The following DPEP1 variants were observed in gnomAD, a reference collection of about 807,000 sequenced individuals.
DPEP1 encodes the protein dipeptidase 1.
DPEP1 carries 50 observed loss-of-function variants against 42.3 expected under a neutral mutation model. The ratio of observed to expected loss-of-function variants is 1.18; its 90% CI spans 0.94 to 1.50. The LOEUF is 1.50. Among genes scored for constraint, DPEP1 ranks in the 40% most tolerant of loss-of-function variants. The pLI, the probability that DPEP1 is intolerant of heterozygous loss-of-function variation, is 0.00. For synonymous variants in DPEP1, 297 were observed against 234.0 expected, an observed-to-expected ratio of 1.27 and a Z score of -2.46; for missense variants, 663 against 553.0, an observed-to-expected ratio of 1.20 and a Z score of -1.99.
rs951505263 is a variant in DPEP1, at chr16:89,630,259, C to T, written c.-106-46C>T. ...GGGAAGCTATAAACAGGAGAGCAGC[C>T]ACCTGTCATCACTTCCACCCACACC... is the stretch of plus-strand genomic sequence containing the variant. On this transcript the variant is annotated intron_variant, in intron 1 of 10. Transcript: ENST00000690203. The T allele has an allele frequency of 1.5e-5, 8 of 543,086 alleles. No individual in the cohort carries two copies. In the African/African-American group the frequency reaches 1.6e-4, roughly 11 times the overall value. 33.6% of individuals were successfully genotyped at this position (543,086 alleles called of 1,614,324 possible).
At chr16:89,615,285 C>T (rs2059370360) in intron 1 of DPEP1, among the ~76,000 whole-genome samples, 1 of 152,198 alleles carries the variant, frequency 6.6e-6, no homozygotes, top group Admixed American at 6.5e-5. Flanking sequence ...AGAGCCGCCC[C>T]TGAGGGGTGG....
At chr16:89,634,320 C>A (rs1360202239) in intron 2 of DPEP1, among the ~76,000 whole-genome samples, 1 of 152,084 alleles carries the variant, frequency 6.6e-6, no homozygotes, top group Non-Finnish European at 1.5e-5. Flanking sequence ...ATCTCCTGAC[C>A]TTGTGATCTG....
chr16:89,633,592 C>A (rs181994154), intron 2 of DPEP1, among the ~76,000 whole-genome samples: 13 of 142,680 alleles, frequency 9.1e-5, no homozygotes, highest in Admixed American at 4.3e-4. Context: ...TACTCATCTG[C>A]CTCTCCCAGC....
At chr16:89,629,471 CA>C (rs2151490188) in intron 1 of DPEP1, among the ~76,000 whole-genome samples, 1 of 152,076 alleles carries the variant, frequency 6.6e-6, no homozygotes, top group East Asian at 1.9e-4. Flanking sequence ...CACTGTCCTC[CA>C]GCTGGGGCGA....
intron 4 of DPEP1, 49 bp downstream of exon 4, chr16:89,636,445 C>T: frequency 6.3e-7 from 1 of 1,597,870 alleles, no homozygotes; most frequent in Non-Finnish European, 8.5e-7. Context: ...CTCACCCAGC[C>T]CTCATCCTGA....
intron 1 of DPEP1, among the ~76,000 whole-genome samples, chr16:89,623,964 C>A (rs1166238772): frequency 6.6e-6 from 1 of 152,142 alleles, no homozygotes; most frequent in Non-Finnish European, 1.5e-5. Flanking sequence ...GAGGGAACAG[C>A]GGTTGCCCAC....
At chr16:89,616,088 A>G (rs1335638116) in intron 1 of DPEP1, among the ~76,000 whole-genome samples, 1 of 151,620 alleles carries the variant, frequency 6.6e-6, no homozygotes, top group Non-Finnish European at 1.5e-5. Context: ...AAAAACACAA[A>G]AAGTGAATTT....
chr16:89,638,251 G>T lies in DPEP1; in HGVS notation c.*29G>T. On this transcript the variant is annotated 3_prime_UTR_variant, in exon 11 of 11. Coordinates refer to ENST00000690203, the MANE Select transcript of DPEP1 (RefSeq NM_001389466.1). ...CTGGGAGACCAGAGTCCCCTTTAGGGTTCCCGGAGCTCCGGGAAGACCCGC... is the reference window on the plus strand; with the variant it reads ...CTGGGAGACCAGAGTCCCCTTTAGGTTTCCCGGAGCTCCGGGAAGACCCGC... 6.6e-7 allele frequency: 1 copy of T among 1,503,918 alleles called. No individual in the cohort carries two copies. 93.2% of individuals were successfully genotyped at this position (1,503,918 alleles called of 1,614,324 possible).
At chr16:89,627,596 G>C (rs537268068) in intron 1 of DPEP1, among the ~76,000 whole-genome samples, 1 of 151,606 alleles carries the variant, frequency 6.6e-6, no homozygotes, top group East Asian at 1.9e-4. Flanking sequence ...GAGGAAGGAG[G>C]GGAGGGGAGA....
Position 89,636,258 on chromosome 16 carries a change from C to G in DPEP1, c.238-6C>G. 1.9e-6 allele frequency: 3 copies of G among 1,605,774 alleles called. No individual in the cohort carries two copies. The highest frequency in any genetic ancestry group is 2.5e-6 in the Non-Finnish European group (3 of 1,177,550). ...ATCAGCTCCTGGCACCCCCTGCGGC[C>G]CACAGTTCTGGTCCGTGTACACGCC... On this transcript the variant is annotated splice_region_variant and splice_polypyrimidine_tract_variant and intron_variant, in intron 3 of 10. Transcript: ENST00000690203.
chr16:89,631,269 A>C (rs1304089715), intron 2 of DPEP1, among the ~76,000 whole-genome samples: 1 of 151,532 alleles, frequency 6.6e-6, no homozygotes, highest in Non-Finnish European at 1.5e-5. Flanking sequence ...CACCTGGGTC[A>C]CCTGCTTCTG....
chr16:89,637,033 C>A, intron 6 of DPEP1, 98 bp downstream of exon 6: 1 of 1,548,066 alleles, frequency 6.5e-7, no homozygotes, highest in Non-Finnish European at 8.7e-7. Context: ...ACCTCAGTGT[C>A]CTTGTCTGTA....
Position 89,637,659 on chromosome 16 carries a change from C to T in DPEP1, c.881C>T (p.Ala294Val), listed in dbSNP as rs566558137. Residue 294 changes from alanine to valine, a missense_variant, in exon 9 of 11, where the codon GCA becomes GTA. Coordinates refer to ENST00000690203, the MANE Select transcript of DPEP1 (RefSeq NM_001389466.1). ...ADHLDHIKEV[A>V]GARAVGFGGD... ...CATCTGGATCACATCAAGGAGGTGG[C>T]AGGAGCCAGAGCCGTGGGTTTTGGT... The T allele has an allele frequency of 4.3e-6, 7 of 1,613,014 alleles. No individual in the cohort carries two copies. The highest frequency in any genetic ancestry group is 1.1e-5 in the South Asian group (1 of 91,080).
chr16:89,627,946 G>A (rs971998793), intron 1 of DPEP1, among the ~76,000 whole-genome samples: 2 of 151,792 alleles, frequency 1.3e-5, no homozygotes, highest in Admixed American at 6.6e-5. Context: ...TTTTTGAGAC[G>A]GAGTCTCGCT....
chr16:89,614,416 C>T (rs1229242104), intron 1 of DPEP1, among the ~76,000 whole-genome samples: 2 of 152,220 alleles, frequency 1.3e-5, no homozygotes, highest in African/African-American at 4.8e-5. Context: ...TCTGCGCAGT[C>T]ATCTGCCTTC....
intron 1 of DPEP1, chr16:89,616,839 C>A: frequency 4.1e-6 from 1 of 241,216 alleles, no homozygotes; most frequent in Non-Finnish European, 8.4e-6. Flanking sequence ...AGGAAGCGGA[C>A]AGGAAGTGGC....
intron 1 of DPEP1, among the ~76,000 whole-genome samples, chr16:89,628,692 G>A (rs1672710222): frequency 6.6e-6 from 1 of 152,280 alleles, no homozygotes; most frequent in African/African-American, 2.4e-5. Context: ...CCTCTGAAGC[G>A]ACAAGCAGAA....
chr16:89,638,354 T>A lies in DPEP1; in HGVS notation c.*132T>A. ...GCATCTCCTGAGAGGACGCCTGGGC[T>A]TACCTGGGGGGCAGGATGCCTGGGG... On this transcript the variant is annotated 3_prime_UTR_variant, in exon 11 of 11. Transcript: ENST00000690203. 7.0e-7 allele frequency: 1 copy of A among 1,424,580 alleles called. No individual in the cohort carries two copies. The highest frequency in any genetic ancestry group is 9.1e-7 in the Non-Finnish European group (1 of 1,093,994). 88.2% of individuals were successfully genotyped at this position (1,424,580 alleles called of 1,614,324 possible). A position where few individuals can be genotyped will look rare whatever the true frequency, so the allele number is the denominator to read the frequency against.
intron 1 of DPEP1, among the ~76,000 whole-genome samples, chr16:89,625,642 TG>T (rs1195755076): frequency 1.3e-5 from 2 of 151,974 alleles, no homozygotes; most frequent in Non-Finnish European, 2.9e-5. Context: ...GCTTGGAAGA[TG>T]GAAGATAAGG....
Sources: allele counts gnomAD v4.1 joint callset (sites outside exome capture counted in the v4.1 genomes callset), GRCh38; gene constraint gnomAD v4.1.1; transcripts MANE v1.5; gene names NCBI Gene and HGNC (gene_info 2026-07-23, HGNC 2026-07-21).